The following TRIOBP variants were observed in gnomAD, a reference collection of about 807,000 sequenced individuals.
TRIOBP encodes TRIO and F-actin-binding protein.
In TRIOBP, 169 loss-of-function variants were observed where a neutral mutation model predicts 238.8. The observed-to-expected ratio is 0.71, with a 90% CI of 0.62 to 0.80. The LOEUF (loss-of-function observed/expected upper bound fraction) is 0.80, where lower values mean the gene tolerates loss of function less well. Ranked by LOEUF, TRIOBP falls within the 30% of genes least tolerant of loss-of-function variation. TRIOBP has a pLI of 0.00. For synonymous variants in TRIOBP, 1,150 were observed against 1,274.4 expected (o/e 0.90, Z 2.08); for missense variants, 2,838 against 3,122.6 (o/e 0.91, Z 2.17).
chr22:37,721,510 C>T (rs777569092), intron 6 of TRIOBP, among the ~76,000 whole-genome samples: 1 of 152,180 alleles, frequency 6.6e-6, no homozygotes, highest in Non-Finnish European at 1.5e-5. Flanking sequence ...CAATGTCTTG[C>T]TCTGTTGCCC....
intron 12 of TRIOBP, among the ~76,000 whole-genome samples, chr22:37,753,782 T>C (rs1925757504): frequency 6.6e-6 from 1 of 152,172 alleles, no homozygotes; most frequent in South Asian, 2.1e-4. Context: ...GAGAGAAAAC[T>C]AAGTACTTGA....
intron 7 of TRIOBP, among the ~76,000 whole-genome samples, chr22:37,730,946 C>CAAAA (rs11316099): frequency 2.4e-5 from 2 of 83,850 alleles, no homozygotes; most frequent in Non-Finnish European, 4.6e-5. Context: ...GACTCCATCT[C>CAAAA]AAAAAAAAAA....
intron 11 of TRIOBP, among the ~76,000 whole-genome samples, chr22:37,743,838 T>TGTGTGTGTGC (rs1555898392): frequency 2.2e-4 from 26 of 120,388 alleles, no homozygotes; most frequent in African/African-American, 6.7e-4. Flanking sequence ...TGTGTGTGTG[T>TGTGTGTGTGC]GTGTGTGCTG....
At chr22:37,755,017 A>G in intron 13 of TRIOBP, 33 bp downstream of exon 13, 1 of 1,611,822 alleles carries the variant, frequency 6.2e-7, no homozygotes, top group Non-Finnish European at 8.5e-7. Context: ...GAACCCCCGG[A>G]AGGGCCTGGG....
At chr22:37,713,150 G>T in intron 4 of TRIOBP, 60 bp from the exon 5 acceptor site, 1 of 1,479,650 alleles carries the variant, frequency 6.8e-7, no homozygotes, top group East Asian at 2.4e-5. Context: ...GCATATGCCT[G>T]GGTGGGGTGG....
Position 37,698,510 on chromosome 22 carries a change from G to A in TRIOBP, c.-61+814G>A, listed in dbSNP as rs923917223. ...CTGGGATTACAGGCATGCGCACCAC[G>A]CCCAGCTAATTTTTATAGTTTTAGT... On this transcript the variant is annotated intron_variant, in intron 2 of 23. Coordinates refer to ENST00000644935, the MANE Select transcript of TRIOBP (RefSeq NM_001039141.3). Among the ~76,000 whole-genome samples, 30 of 151,272 alleles carry A rather than the reference G, an allele frequency of 2.0e-4. 1 individual carries two copies. The South Asian group carries it at 5.7e-3, about 29-fold the overall frequency.
intron 3 of TRIOBP, among the ~76,000 whole-genome samples, chr22:37,710,043 C>T (rs1923153728): frequency 6.6e-6 from 1 of 152,246 alleles, no homozygotes; most frequent in African/African-American, 2.4e-5. Flanking sequence ...GGCGCACGCA[C>T]ATACATGCAT....
chr22:37,759,607 T>TG (rs1031104577), intron 17 of TRIOBP: 13 of 1,557,598 alleles, frequency 8.3e-6, no homozygotes, highest in African/African-American at 4.1e-5. Flanking sequence ...CCCGGGGAAG[T>TG]GGGGGGCTAG....
chr22:37,711,602 A>AAAAAC (rs1923247227), intron 4 of TRIOBP, among the ~76,000 whole-genome samples: 4 of 140,606 alleles, frequency 2.8e-5, no homozygotes, highest in Admixed American at 7.4e-5. Flanking sequence ...ACAACAAAAA[A>AAAAAC]AAAAAACAAA....
chr22:37,697,437 G>A (rs781211435), intron 1 of TRIOBP, among the ~76,000 whole-genome samples, 151 bp from the exon 2 acceptor site: 18 of 152,116 alleles, frequency 1.2e-4, no homozygotes, highest in Non-Finnish European at 1.5e-4. Flanking sequence ...CGCCCAGGAC[G>A]GGCGGGGCCG....
At chr22:37,765,273 C>T (rs1305930715) in intron 17 of TRIOBP, among the ~76,000 whole-genome samples, 2 of 152,214 alleles carry the variant, frequency 1.3e-5, no homozygotes, top group East Asian at 3.9e-4. Context: ...GAACAAAACT[C>T]TGTCTCAAAA....
chr22:37,725,210 G>C lies in TRIOBP; in HGVS notation c.2654G>C (p.Arg885Pro), dbSNP rs567261735. Residue 885 changes from arginine to proline, a missense_variant, in exon 7 of 24, where the codon CGC becomes CCC. Around this residue, in one of 5 missense-constraint regions of TRIOBP, gnomAD observed 2,096 missense variants for 2,137.4 expected, o/e 0.98. Coordinates refer to ENST00000644935, the MANE Select transcript of TRIOBP (RefSeq NM_001039141.3). ...AATCTGAGACCATCATCTCCCCACCGCTCCACTCAATGGAACAATCCCAGG... is the reference window on the plus strand; with the variant it reads ...AATCTGAGACCATCATCTCCCCACCCCTCCACTCAATGGAACAATCCCAGG... ...KENLRPSSPHRSTQWNNPRNS... is the reference protein window; with the variant it reads ...KENLRPSSPHPSTQWNNPRNS... 1 of 1,613,820 alleles carries C rather than the reference G, an allele frequency of 6.2e-7. No homozygotes were observed. The highest frequency in any genetic ancestry group is 1.1e-5 in the South Asian group (1 of 91,058).
At chr22:37,754,444 G>A (rs576476596) in intron 12 of TRIOBP, among the ~76,000 whole-genome samples, 2 of 146,550 alleles carry the variant, frequency 1.4e-5, no homozygotes, top group Non-Finnish European at 3.0e-5. Flanking sequence ...AAAGGCAGCA[G>A]ATTGTGGCTG....
rs768388051 is a variant in TRIOBP at position 37,734,912 on chromosome 22, T to C, written c.4576T>C (p.Ser1526Pro). 6.2e-7 allele frequency: 1 copy of C among 1,613,252 alleles called. No homozygotes were observed. The highest frequency in any genetic ancestry group is 8.5e-7 in the Non-Finnish European group (1 of 1,179,992). ...GAACTGGGGAGGCCCCGCAGAGTCC[T>C]CACAATCCTGGCACTCTGGGACACC... is the stretch of plus-strand genomic sequence containing the variant. ...PENWGGPAES[S>P]QSWHSGTPTA... The change falls in exon 9 of 24, where the codon TCA becomes CCA. Residue 1526 changes from serine (S) to proline (P), a missense_variant. By Grantham distance (74) the Ser-to-Pro change is moderately conservative. Around this residue, in one of 5 missense-constraint regions of TRIOBP, gnomAD observed 2,096 missense variants for 2,137.4 expected, o/e 0.98. Coordinates refer to ENST00000644935, the MANE Select transcript of TRIOBP (RefSeq NM_001039141.3).
intron 9 of TRIOBP, among the ~76,000 whole-genome samples, chr22:37,736,206 C>G (rs944560844): frequency 6.6e-6 from 1 of 152,194 alleles, no homozygotes; most frequent in African/African-American, 2.4e-5. Context: ...AGATGGTGGG[C>G]AGGGAGGGTC....
At chr22:37,701,167 T>G in intron 2 of TRIOBP, 139 bp from the exon 3 acceptor site, 1 of 567,836 alleles carries the variant, frequency 1.8e-6, no homozygotes, top group Admixed American at 2.6e-5. Flanking sequence ...CAGGAATGGA[T>G]GGAGAACAGG....
chr22:37,715,922 C>G lies in TRIOBP; in HGVS notation c.616C>G (p.Gln206Glu), dbSNP rs1219632733. ...RSPVGGDAAG[Q>E]KKEDTGGGGR... ...CCCTGTGGGAGGAGATGCTGCAGGC[C>G]AGAAAAAGGAGGGTGAGTCCTTCTG... Residue 206 changes from glutamine to glutamate, a missense_variant, in exon 6 of 24, where the codon CAG (glutamine) becomes GAG (glutamate). Gln to Glu is a conservative substitution (Grantham distance 29). This residue lies in a region of TRIOBP where 535 missense variants were observed against 537.3 expected (regional missense o/e 1.00). Transcript: ENST00000644935. 1 of 1,612,534 alleles carries G rather than the reference C, an allele frequency of 6.2e-7. No individual in the cohort carries two copies. Among genetic ancestry groups the G allele is most frequent in the Admixed American group, 1.7e-5 (1 of 59,976 alleles).
Position 37,765,828 on chromosome 22 carries a change from T to TGGG in TRIOBP, c.6472+17_6472+19dup, listed in dbSNP as rs3833924. 7 of 1,552,788 alleles carry TGGG rather than the reference T, an allele frequency of 4.5e-6. No individual in the cohort carries two copies. The Admixed American group carries it at 7.2e-5, about 16-fold the overall frequency. On this transcript the variant is annotated intron_variant, in intron 18 of 23. Coordinates refer to ENST00000644935, the MANE Select transcript of TRIOBP (RefSeq NM_001039141.3). ...CAGCCACGGCCTCAGGTATGGACCC[T>TGGG]GGGGGGGGCACAGTGGGCTGGGCTC...
chr22:37,727,657 G>C (rs1924240377), intron 7 of TRIOBP, among the ~76,000 whole-genome samples: 1 of 152,098 alleles, frequency 6.6e-6, no homozygotes, highest in Non-Finnish European at 1.5e-5. Flanking sequence ...GACAGAGTGA[G>C]ACTCCATCTA....
Sources: allele counts gnomAD v4.1 joint callset (sites outside exome capture counted in the v4.1 genomes callset), GRCh38; gene constraint gnomAD v4.1.1; regional missense constraint gnomAD v4.1.1; transcripts MANE v1.5; gene names NCBI Gene and HGNC (gene_info 2026-07-23, HGNC 2026-07-21).